Variants in USP31 observed in about 807,000 individuals in gnomAD.
USP31 encodes ubiquitin specific peptidase 31, also known as ubiquitin carboxyl-terminal hydrolase 31.
Under a neutral mutation model 119.4 loss-of-function variants are expected in USP31, and 44 were observed. That is an observed-to-expected ratio of 0.37 (90% CI 0.29 to 0.47). The LOEUF is 0.47. Among genes scored for constraint, USP31 ranks in the 20% least tolerant of loss-of-function variants. The probability of loss-of-function intolerance (pLI) is 0.99; values close to 1 mark genes in which losing one functional copy is unlikely to be tolerated. For missense variants in USP31, 1,643 were observed against 1,730.2 expected, an observed-to-expected ratio of 0.95 and a Z score of 0.89; for synonymous variants, 749 against 705.6, an observed-to-expected ratio of 1.06 and a Z score of -0.97.
Position 23,069,211 on chromosome 16 carries a change from G to A in USP31, c.2894C>T (p.Thr965Ile), listed in dbSNP as rs751976264. Reference sequence around the variant, plus strand: ...CCCTTGTGCTGAATGTTTGCTCTGTGTATCTACGACACTGGAGTTCAATCT... The same window carrying A: ...CCCTTGTGCTGAATGTTTGCTCTGTATATCTACGACACTGGAGTTCAATCT... ...TRRLNSSVVD[T>I]QSKHSAQGDR... Residue 965 changes from threonine (T) to isoleucine (I), a missense_variant, in exon 16 of 16, where the codon ACA becomes ATA. Physicochemically the swap from Thr to Ile is moderately conservative, Grantham distance 89. Transcript: ENST00000219689. 1.2e-6 allele frequency: 2 copies of A among 1,614,230 alleles called. No individual in the cohort carries two copies. The highest frequency in any genetic ancestry group is 1.7e-6 in the Non-Finnish European group (2 of 1,180,052).
At chr16:23,095,775 C>A (rs965450220) in intron 6 of USP31, among the ~76,000 whole-genome samples, 1 of 152,084 alleles carries the variant, frequency 6.6e-6, no homozygotes. Context: ...GAAATAAAAT[C>A]CTTTACAGAC....
At chr16:23,134,137 A>G (rs1903115000) in intron 1 of USP31, among the ~76,000 whole-genome samples, 1 of 151,524 alleles carries the variant, frequency 6.6e-6, no homozygotes, top group African/African-American at 2.4e-5. Context: ...CGAACAGATT[A>G]CTTTGTTTTT....
rs750929002 is a variant in USP31 at position 23,069,022 on chromosome 16, C to G, written c.3083G>C (p.Ser1028Thr). The G allele has an allele frequency of 1.2e-6, 2 of 1,613,586 alleles. No individual in the cohort carries two copies. The highest frequency in any genetic ancestry group is 2.7e-5 in the African/African-American group (2 of 74,932). The change falls in exon 16 of 16, where the codon AGT becomes ACT. Residue 1028 changes from serine to threonine, a missense_variant. Physicochemically the swap from Ser to Thr is moderately conservative, Grantham distance 58. Around this residue, in one of 5 missense-constraint regions of USP31, gnomAD observed 699 missense variants for 650.9 expected, o/e 1.07. Transcript: ENST00000219689. ...KPESTTKRSP[S>T]SKGTSEPEKS... ...CTCTGGCTCAGAAGTGCCTTTGGAA[C>G]TGGGGGATCTCTTAGTTGTGCTCTC...
chr16:23,099,664 CA>C (rs1343131804), intron 6 of USP31, among the ~76,000 whole-genome samples: 4 of 149,980 alleles, frequency 2.7e-5, no homozygotes, highest in East Asian at 1.9e-4. Flanking sequence ...GCACAAGGAA[CA>C]AAAAAAAATA....
chr16:23,077,410 C>T (rs1309823662), intron 13 of USP31, among the ~76,000 whole-genome samples: 2 of 152,152 alleles, frequency 1.3e-5, no homozygotes, highest in East Asian at 3.8e-4. Flanking sequence ...TTCCCCAACC[C>T]CGGCCCTCCT....
rs777702218 is a variant in USP31 at position 23,068,734 on chromosome 16, G to A, written c.3371C>T (p.Thr1124Ile). Reference protein sequence around the residue: ...KQKSASALTYTASSTSAKKAS... With the variant: ...KQKSASALTYIASSTSAKKAS... ...CTTTTTGGCAGATGTGGAGGAAGCAGTGTAGGTGAGGGCCGAGGCTGACTT... is the reference window on the plus strand; with the variant it reads ...CTTTTTGGCAGATGTGGAGGAAGCAATGTAGGTGAGGGCCGAGGCTGACTT... Residue 1124 changes from threonine (T) to isoleucine (I), a missense_variant, in exon 16 of 16, where the codon ACT becomes ATT. Coordinates refer to ENST00000219689, the MANE Select transcript of USP31 (RefSeq NM_020718.4). 2 of 1,607,384 alleles carry A rather than the reference G, an allele frequency of 1.2e-6. No homozygotes were observed. Among genetic ancestry groups the A allele is most frequent in the Non-Finnish European group, 1.7e-6 (2 of 1,177,066 alleles).
intron 1 of USP31, among the ~76,000 whole-genome samples, chr16:23,120,995 C>G (rs1902649231): frequency 6.6e-6 from 1 of 152,050 alleles, no homozygotes. Context: ...TTATAAGAGA[C>G]CTAAAATGTT....
intron 9 of USP31, among the ~76,000 whole-genome samples, chr16:23,086,014 G>A (rs1400075192): frequency 2.0e-5 from 3 of 152,006 alleles, no homozygotes; most frequent in Non-Finnish European, 2.9e-5. Flanking sequence ...GACACTGGAC[G>A]GTAGTCCCCT....
At chr16:23,129,594 G>C (rs1040857506) in intron 1 of USP31, among the ~76,000 whole-genome samples, 1 of 152,196 alleles carries the variant, frequency 6.6e-6, no homozygotes, top group African/African-American at 2.4e-5. Flanking sequence ...AGTTGTTGAA[G>C]CTGGGTGACA....
At chr16:23,097,576 T>G (rs1727546078) in intron 6 of USP31, among the ~76,000 whole-genome samples, 1 of 152,120 alleles carries the variant, frequency 6.6e-6, no homozygotes, top group African/African-American at 2.4e-5. Flanking sequence ...AAATCCTCAA[T>G]AAAATACTGG....
At position 23,105,443 on chromosome 16, in the gene USP31, G is replaced by C. The variant is rs765989019; in HGVS notation, c.1087C>G (p.Gln363Glu). The C allele has an allele frequency of 3.7e-6, 6 of 1,613,010 alleles. No individual in the cohort carries two copies. Among genetic ancestry groups the C allele is most frequent in the African/African-American group, 2.7e-5 (2 of 74,872 alleles). ...VSMETKIPTD[Q>E]IVLTEMYYDG... Reference sequence around the variant, plus strand: ...ACTGGTCTTAGCAGACTTATTACCTGATCAGTGGGGATCTTTGTTTCCATA... The same window carrying C: ...ACTGGTCTTAGCAGACTTATTACCTCATCAGTGGGGATCTTTGTTTCCATA... Residue 363 changes from glutamine (Q) to glutamate (E), a missense_variant and splice_region_variant, in exon 5 of 16, where the codon CAG (glutamine) becomes GAG (glutamate). Transcript: ENST00000219689.
chr16:23,107,100 G>A (rs1902140301), intron 2 of USP31, among the ~76,000 whole-genome samples: 2 of 148,172 alleles, frequency 1.3e-5, no homozygotes, highest in African/African-American at 2.5e-5. Flanking sequence ...CAACAAGAGC[G>A]AAAGTCCGTC....
chr16:23,137,809 A>G (rs1208621991), intron 1 of USP31, among the ~76,000 whole-genome samples: 1 of 151,592 alleles, frequency 6.6e-6, no homozygotes, highest in African/African-American at 2.4e-5. Flanking sequence ...CAAAAAAAAG[A>G]GTAGGGAGGA....
At chr16:23,077,836 T>C (rs1000828553) in intron 13 of USP31, among the ~76,000 whole-genome samples, 4 of 152,138 alleles carry the variant, frequency 2.6e-5, no homozygotes, top group Non-Finnish European at 5.9e-5. Flanking sequence ...AGCCCAATGA[T>C]TCCATTTCCA....
Position 23,148,505 on chromosome 16 carries a change from A to G in USP31, c.633+133T>C, listed in dbSNP as rs905937765. 8.9e-6 allele frequency: 11 copies of G among 1,236,966 alleles called. 1 individual carries two copies. The South Asian group carries it at 2.2e-4, about 25-fold the overall frequency. 76.6% of individuals were successfully genotyped at this position (1,236,966 alleles called of 1,614,324 possible). A position where few individuals can be genotyped will look rare whatever the true frequency, so the allele number is the denominator to read the frequency against. On this transcript the variant is annotated intron_variant, in intron 1 of 15. Transcript: ENST00000219689. The stretch of plus-strand genomic sequence containing the variant: ...TGAATCTCCTTAAAATCACTGGTCG[A>G]CTGCCCAGACCACTCGGAGCAACCA...
intron 1 of USP31, among the ~76,000 whole-genome samples, chr16:23,114,355 T>G (rs554915674): frequency 6.6e-6 from 1 of 151,190 alleles, no homozygotes; most frequent in African/African-American, 2.4e-5. Flanking sequence ...AATGACAATC[T>G]CATGGCATAG....
chr16:23,117,314 A>T (rs891607272), intron 1 of USP31, among the ~76,000 whole-genome samples: 1 of 152,228 alleles, frequency 6.6e-6, no homozygotes, highest in Admixed American at 6.5e-5. Context: ...CTATAAGATT[A>T]GTGTCAGATT....
chr16:23,067,730 T>G lies in USP31; in HGVS notation c.*316A>C. 4.9e-6 allele frequency: 1 copy of G among 202,398 alleles called. No individual in the cohort carries two copies. Among genetic ancestry groups the G allele is most frequent in the Admixed American group, 5.3e-5 (1 of 18,828 alleles). The allele number at this position is 202,398 out of a possible 1,614,324, so 12.5% of individuals were successfully genotyped here. Reference sequence around the variant, plus strand: ...TCAAAACCCTCATATCCAAAGAAAGTCATTAGAGTTCTCTAGAAAGAAATA... The same window carrying G: ...TCAAAACCCTCATATCCAAAGAAAGGCATTAGAGTTCTCTAGAAAGAAATA... On this transcript the variant is annotated 3_prime_UTR_variant, in exon 16 of 16. Transcript: ENST00000219689.
intron 14 of USP31, chr16:23,072,495 A>G: frequency 1.7e-6 from 1 of 593,826 alleles, no homozygotes; most frequent in Non-Finnish European, 3.0e-6. Context: ...AAGAGAATGG[A>G]ATAGACAAGC....
Sources: allele counts gnomAD v4.1 joint callset (sites outside exome capture counted in the v4.1 genomes callset), GRCh38; gene constraint gnomAD v4.1.1; regional missense constraint gnomAD v4.1.1; transcripts MANE v1.5; gene names NCBI Gene and HGNC (gene_info 2026-07-23, HGNC 2026-07-21).